Variants in PPP2R2B observed in about 807,000 individuals in gnomAD.
PPP2R2B encodes the protein protein phosphatase 2 regulatory subunit Bbeta.
In PPP2R2B, 5 loss-of-function variants were observed where a neutral mutation model predicts 46.0. That is an observed-to-expected ratio of 0.11 (90% confidence interval 0.06 to 0.23). The LOEUF is 0.23. PPP2R2B is among the 10% of genes least tolerant of loss of function. The pLI, the probability that PPP2R2B is intolerant of heterozygous loss-of-function variation, is 1.00. For synonymous variants in PPP2R2B, 215 were observed against 206.7 expected, an observed-to-expected ratio of 1.04 and a Z score of -0.34; for missense variants, 367 against 575.0, an observed-to-expected ratio of 0.64 and a Z score of 3.70.
At chr5:146,997,739 A>AT (rs1753986999) in intron 1 of PPP2R2B, among the ~76,000 whole-genome samples, 1 of 152,196 alleles carries the variant, frequency 6.6e-6, no homozygotes, top group Non-Finnish European at 1.5e-5. Context: ...ATAGAATTTA[A>AT]TTTTTGCGAA....
At chr5:146,948,165 CT>C (rs564789274) in intron 1 of PPP2R2B, among the ~76,000 whole-genome samples, 62 of 152,132 alleles carry the variant, frequency 4.1e-4, no homozygotes, top group African/African-American at 1.5e-3. Context: ...TCCCATGAGG[CT>C]TTAAGACTGG....
At chr5:146,952,007 G>A (rs1437390319) in intron 1 of PPP2R2B, among the ~76,000 whole-genome samples, 8 of 146,280 alleles carry the variant, frequency 5.5e-5, no homozygotes, top group Non-Finnish European at 1.2e-4. Context: ...GCTCCTCAGT[G>A]ACTTAATGTA....
chr5:147,061,988 C>T (rs1757272578), intron 2 of PPP2R2B, among the ~76,000 whole-genome samples: 1 of 151,596 alleles, frequency 6.6e-6, no homozygotes, highest in Non-Finnish European at 1.5e-5. Context: ...GGTTCTGAGC[C>T]ATGGAAACAT....
rs187731256 is a variant in PPP2R2B at position 146,600,611 on chromosome 5, T to A, written c.791-151A>T. 2.1e-5 allele frequency: 16 copies of A among 750,042 alleles called. No homozygotes were observed. In the Admixed American group the frequency reaches 4.3e-4, roughly 20 times the overall value. 46.5% of individuals were successfully genotyped at this position (750,042 alleles called of 1,614,324 possible). A position where few individuals can be genotyped will look rare whatever the true frequency, so the allele number is the denominator to read the frequency against. On this transcript the variant is annotated intron_variant, in intron 7 of 9. Transcript: ENST00000394411. Reference sequence around the variant, plus strand: ...GTAAGTTGCTAATAGAGAACTGTCATCTCTCTGGTAGCGGAAAAAGCTGTC... The same window carrying A: ...GTAAGTTGCTAATAGAGAACTGTCAACTCTCTGGTAGCGGAAAAAGCTGTC...
At chr5:146,684,395 G>A (rs894090685) in intron 5 of PPP2R2B, among the ~76,000 whole-genome samples, 8 of 152,272 alleles carry the variant, frequency 5.3e-5, no homozygotes, top group African/African-American at 1.7e-4. Flanking sequence ...TGAGTATTAC[G>A]ACATAGGTAC....
intron 2 of PPP2R2B, among the ~76,000 whole-genome samples, chr5:146,826,831 A>G (rs1156384279): frequency 6.6e-6 from 1 of 152,078 alleles, no homozygotes; most frequent in African/African-American, 2.4e-5. Context: ...CTCTGCATAC[A>G]TATCACTTCT....
rs995134104 is a variant in PPP2R2B, at chr5:147,037,506, GTTAT to G, written c.79+18155_79+18158del. The stretch of plus-strand genomic sequence containing the variant: ...TACATAAATACATTTATGTATTCAG[GTTAT>G]TTGTTTCCTAACATTCATTTTTGTG... On this transcript the variant is annotated intron_variant, in intron 1 of 8. Transcript: ENST00000336640. Among the ~76,000 whole-genome samples, 52 of 151,926 alleles carry G rather than the reference GTTAT, an allele frequency of 3.4e-4. 1 individual carries two copies. Among genetic ancestry groups the G allele is most frequent in the African/African-American group, 1.1e-3 (46 of 41,430 alleles).
In PPP2R2B at chr5:146,652,369, T is replaced by G. The variant is rs74908975; in HGVS notation, c.448-1645A>C. On this transcript the variant is annotated intron_variant, in intron 5 of 9. Transcript: ENST00000394411. ...CACTCTTTCAACAATATTTACTGAG[T>G]GCCACACAAAGTCCTGGAGTGTTCA... 6.3e-3 allele frequency among the ~76,000 whole-genome samples: 963 copies of G among 152,248 alleles called. 22 individuals carry two copies. Among genetic ancestry groups the G allele is most frequent in the Admixed American group, 0.041 (632 of 15,288 alleles).
chr5:146,696,331 C>G lies in PPP2R2B; in HGVS notation c.334+1648G>C, dbSNP rs1166422215. Among the ~76,000 whole-genome samples, 3 of 152,168 alleles carry G rather than the reference C, an allele frequency of 2.0e-5. No homozygotes were observed. The East Asian group carries it at 5.8e-4, about 29-fold the overall frequency. On this transcript the variant is annotated intron_variant, in intron 4 of 9. Coordinates refer to ENST00000394411, the MANE Select transcript of PPP2R2B (RefSeq NM_181675.4). ...GTGTTAGCCAGGATGGTCTCGATCT[C>G]CTGACCTCATGATCTGCCCGCCTCG...
chr5:146,769,474 A>G (rs975152956), intron 2 of PPP2R2B, among the ~76,000 whole-genome samples: 2 of 152,144 alleles, frequency 1.3e-5, no homozygotes, highest in African/African-American at 4.8e-5. Flanking sequence ...TCTTCTTATT[A>G]TTTAATGCAT....
At chr5:146,948,790 A>C (rs1353659407) in intron 1 of PPP2R2B, among the ~76,000 whole-genome samples, 1 of 152,106 alleles carries the variant, frequency 6.6e-6, no homozygotes, top group Admixed American at 6.6e-5. Context: ...CAAGAGGCTC[A>C]TGGTTTAGTA....
intron 2 of PPP2R2B, among the ~76,000 whole-genome samples, chr5:147,071,481 C>T (rs906236704): frequency 6.6e-6 from 1 of 152,152 alleles, no homozygotes; most frequent in Admixed American, 6.5e-5. Context: ...TCATCTGTCT[C>T]CATCTTTCAC....
At chr5:146,803,829 G>C (rs1484040190) in intron 2 of PPP2R2B, among the ~76,000 whole-genome samples, 1 of 152,196 alleles carries the variant, frequency 6.6e-6, no homozygotes, top group Non-Finnish European at 1.5e-5. Context: ...AGAAATAACA[G>C]TGCTTGCTTC....
intron 2 of PPP2R2B, among the ~76,000 whole-genome samples, chr5:146,849,077 G>T (rs557336219): frequency 1.7e-3 from 260 of 152,006 alleles, no homozygotes; most frequent in African/African-American, 6.2e-3. Flanking sequence ...TCTATAAGAG[G>T]CTCCAGACTC....
chr5:146,947,141 G>T (rs1247463092), intron 1 of PPP2R2B, among the ~76,000 whole-genome samples: 2 of 152,122 alleles, frequency 1.3e-5, no homozygotes, highest in Admixed American at 6.5e-5. Flanking sequence ...CAGATGCCTT[G>T]GTTAGTTTAC....
intron 2 of PPP2R2B, among the ~76,000 whole-genome samples, chr5:146,840,272 A>G (rs1237341428): frequency 6.6e-6 from 1 of 152,204 alleles, no homozygotes; most frequent in Non-Finnish European, 1.5e-5. Context: ...TGTGCCAGGC[A>G]CGTTGTCCTT....
chr5:146,799,439 G>T (rs1369769121), intron 2 of PPP2R2B, among the ~76,000 whole-genome samples: 2 of 152,194 alleles, frequency 1.3e-5, no homozygotes, highest in African/African-American at 2.4e-5. Context: ...GCTGCTGGAA[G>T]ATATGCATAT....
chr5:146,953,035 A>G (rs1466257174), intron 1 of PPP2R2B, among the ~76,000 whole-genome samples: 2 of 152,188 alleles, frequency 1.3e-5, no homozygotes, highest in Non-Finnish European at 1.5e-5. Flanking sequence ...ATGATAAACA[A>G]TATTTAGAAT....
chr5:146,931,025 C>T (rs1052250430), intron 1 of PPP2R2B, among the ~76,000 whole-genome samples: 1 of 151,998 alleles, frequency 6.6e-6, no homozygotes, highest in Non-Finnish European at 1.5e-5. Flanking sequence ...CAGCTAGTTG[C>T]CTGAATATTT....
Sources: allele counts gnomAD v4.1 joint callset (sites outside exome capture counted in the v4.1 genomes callset), GRCh38; gene constraint gnomAD v4.1.1; transcripts MANE v1.5; gene names NCBI Gene and HGNC (gene_info 2026-07-23, HGNC 2026-07-21).